Variants in ABAT observed in about 807,000 individuals in gnomAD.
ABAT encodes the protein 4-aminobutyrate aminotransferase.
A neutral mutation model predicts 64.6 loss-of-function variants in ABAT; 45 were observed. The observed-to-expected ratio is 0.70, with a 90% CI of 0.55 to 0.89. The LOEUF (loss-of-function observed/expected upper bound fraction) is 0.89, where lower values mean the gene tolerates loss of function less well. Ranked by LOEUF, ABAT falls within the 40% of genes least tolerant of loss-of-function variation. ABAT has a pLI of 0.00. For missense variants in ABAT, 633 were observed against 658.4 expected (o/e 0.96, Z 0.42); for synonymous variants, 297 against 250.5 (o/e 1.19, Z -1.75).
At chr16:8,717,122 T>G (rs541471042) in intron 1 of ABAT, among the ~76,000 whole-genome samples, 2 of 152,212 alleles carry the variant, frequency 1.3e-5, no homozygotes, top group East Asian at 1.9e-4. Flanking sequence ...AAACTTTGTC[T>G]CTACTAAAAA....
At chr16:8,768,470 G>A (rs1016829265) in intron 10 of ABAT, among the ~76,000 whole-genome samples, 4 of 152,124 alleles carry the variant, frequency 2.6e-5, no homozygotes, top group African/African-American at 7.2e-5. Context: ...TGACAGAGCC[G>A]GGACTGGAAC....
chr16:8,768,452 C>T (rs1252241530), intron 10 of ABAT, among the ~76,000 whole-genome samples, 196 bp downstream of exon 10: 1 of 152,186 alleles, frequency 6.6e-6, no homozygotes, highest in Non-Finnish European at 1.5e-5. Context: ...ATTTCCAAGG[C>T]TATTCAGTGA....
chr16:8,727,960 A>G (rs111969583), intron 1 of ABAT, among the ~76,000 whole-genome samples: 4,284 of 152,234 alleles, frequency 0.028, 112 homozygotes, highest in Admixed American at 0.066. Flanking sequence ...AGTCCCAGCT[A>G]CTTGGACGGC....
intron 5 of ABAT, among the ~76,000 whole-genome samples, chr16:8,752,484 C>T (rs1295737018): frequency 6.6e-6 from 1 of 152,190 alleles, no homozygotes; most frequent in African/African-American, 2.4e-5. Context: ...TTTGGTCGGG[C>T]ACGGTGGAGC....
At chr16:8,722,846 G>C (rs926784495) in intron 1 of ABAT, 2 of 1,289,154 alleles carry the variant, frequency 1.6e-6, no homozygotes, top group Admixed American at 4.6e-5. Context: ...CTTCGAGGTA[G>C]GAGCAAGGCT....
Position 8,733,814 on chromosome 16 carries a change from AGAGAGG to A in ABAT, c.-41-1864_-41-1859del, listed in dbSNP as rs555669162. On this transcript the variant is annotated intron_variant, in intron 1 of 15. Coordinates refer to ENST00000268251, the MANE Select transcript of ABAT (RefSeq NM_020686.6). Reference sequence around the variant, plus strand: ...TCAGCATGAGAGGGAGACCGTGGAAAGAGAGGGAGAGGGAGAGGGAGAGGGAACTGA... The same window carrying A: ...TCAGCATGAGAGGGAGACCGTGGAAAGAGAGGGAGAGGGAGAGGGAACTGA... Among the ~76,000 whole-genome samples the A allele has an allele frequency of 9.6e-3, 1,421 of 147,526 alleles. 59 individuals are homozygous for A. Among genetic ancestry groups the A allele is most frequent in the African/African-American group, 0.028 (1,066 of 37,542 alleles).
chr16:8,724,461 G>A (rs187870430), intron 1 of ABAT, among the ~76,000 whole-genome samples: 81 of 152,262 alleles, frequency 5.3e-4, no homozygotes, highest in Middle Eastern at 3.4e-3. Flanking sequence ...GCTAGGCATG[G>A]TGGTTCACAC....
At chr16:8,728,079 A>G (rs1413397869) in intron 1 of ABAT, among the ~76,000 whole-genome samples, 1 of 152,104 alleles carries the variant, frequency 6.6e-6, no homozygotes, top group Non-Finnish European at 1.5e-5. Flanking sequence ...AGAGAGAGAG[A>G]GAGAGAGAGA....
intron 1 of ABAT, among the ~76,000 whole-genome samples, chr16:8,726,262 CTTT>C (rs71152921): frequency 1.7e-5 from 2 of 120,806 alleles, no homozygotes; most frequent in African/African-American, 3.0e-5. Context: ...ATGACTAGAT[CTTT>C]TTTTTTTTTT....
chr16:8,758,922 T>C (rs2059719495), intron 6 of ABAT, among the ~76,000 whole-genome samples: 1 of 151,916 alleles, frequency 6.6e-6, no homozygotes, highest in South Asian at 2.1e-4. Flanking sequence ...GCCAGCATGG[T>C]GAAACCCCGT....
At chr16:8,712,008 G>C (rs1380468024) in intron 1 of ABAT, among the ~76,000 whole-genome samples, 2 of 151,664 alleles carry the variant, frequency 1.3e-5, no homozygotes, top group Non-Finnish European at 1.5e-5. Context: ...GGGAGGTCGG[G>C]GGGGAGGGGC....
At chr16:8,722,673 TCTCCAAC>T (rs2058406052) in intron 1 of ABAT, 13 of 511,568 alleles carry the variant, frequency 2.5e-5, no homozygotes, top group Non-Finnish European at 3.8e-5. Context: ...TTTTCAGATT[TCTCCAAC>T]CTCCTTGGTC....
Position 8,779,581 on chromosome 16 carries a change from A to G in ABAT, c.1372A>G (p.Arg458Gly), listed in dbSNP as rs1186790305. ...SIRNKLILIA[R>G]NKGVVLGGCG... ...ACGGAATAAGCTCATTTTAATTGCCAGAAACAAAGGTAAGGGGTCAGGAGT... is the reference window on the plus strand; with the variant it reads ...ACGGAATAAGCTCATTTTAATTGCCGGAAACAAAGGTAAGGGGTCAGGAGT... Residue 458 changes from arginine to glycine, a missense_variant, in exon 15 of 16, where the codon AGA becomes GGA. Arg to Gly is a moderately radical substitution (Grantham distance 125). Transcript: ENST00000268251. 1 of 1,614,004 alleles carries G rather than the reference A, an allele frequency of 6.2e-7. No individual in the cohort carries two copies. The highest frequency in any genetic ancestry group is 2.2e-5 in the East Asian group (1 of 44,890).
rs142209364 is a variant in ABAT at position 8,734,002 on chromosome 16, CTG to C, written c.-41-1694_-41-1693del. ...TTTTAAGGCTGCATAATATTCCACT[CTG>C]TGGATACAGCATATTTTTTCCCATT... On this transcript the variant is annotated intron_variant, in intron 1 of 15. Transcript: ENST00000268251. Among the ~76,000 whole-genome samples, 1,379 of 152,294 alleles carry C rather than the reference CTG, an allele frequency of 9.1e-3. 32 individuals are homozygous for C. Among genetic ancestry groups the C allele is most frequent in the African/African-American group, 0.031 (1,287 of 41,552 alleles).
chr16:8,745,270 C>A (rs1375331576), intron 2 of ABAT, among the ~76,000 whole-genome samples: 1 of 152,194 alleles, frequency 6.6e-6, no homozygotes, highest in African/African-American at 2.4e-5. Context: ...GAATGAGCGA[C>A]CCCATCTGGC....
chr16:8,711,175 G>A (rs763877818), intron 1 of ABAT, among the ~76,000 whole-genome samples: 1 of 152,186 alleles, frequency 6.6e-6, no homozygotes, highest in Non-Finnish European at 1.5e-5. Context: ...CCATTTGTAT[G>A]AATTTCCTCT....
intron 1 of ABAT, among the ~76,000 whole-genome samples, chr16:8,721,587 G>A (rs1596417800): frequency 6.6e-6 from 1 of 152,156 alleles, no homozygotes; most frequent in Non-Finnish European, 1.5e-5. Context: ...GTTTTATAAC[G>A]CCAGCCAATC....
rs955478669 is a variant in ABAT at position 8,746,086 on chromosome 16, G to A, written c.156G>A (p.Gly52=). 9.9e-6 allele frequency: 16 copies of A among 1,613,360 alleles called. No homozygotes were observed. The highest frequency in any genetic ancestry group is 1.3e-5 in the African/African-American group (1 of 74,890). ...CTCTGATGAAGACGGAAGTCCCAGG[G>A]CCTAGATCTCAGGTGAGTTGAGCAC... ...DGPLMKTEVP[G]PRSQELMKQL... is the part of the protein sequence containing the mutation. Residue 52 remains glycine (G), a synonymous_variant, in exon 3 of 16, where the codon GGG becomes GGA. Coordinates refer to ENST00000268251, the MANE Select transcript of ABAT (RefSeq NM_020686.6).
intron 1 of ABAT, among the ~76,000 whole-genome samples, chr16:8,690,828 G>C (rs144920944): frequency 1.3e-3 from 194 of 152,310 alleles, no homozygotes; most frequent in African/African-American, 4.5e-3. Flanking sequence ...TCTGCCCCTT[G>C]TTCCAGGACA....
Sources: gnomAD v4.1 joint callset for allele counts (sites outside exome capture counted in the v4.1 genomes callset) on GRCh38, gnomAD v4.1.1 for gene constraint, MANE v1.5 for transcripts, NCBI Gene and HGNC (gene_info 2026-07-23, HGNC 2026-07-21) for gene names.